Variants in KCNQ1 observed in about 807,000 individuals in gnomAD.
The protein encoded by KCNQ1 is potassium voltage-gated channel subfamily KQT member 1.
In KCNQ1, 49 loss-of-function variants were observed where a neutral mutation model predicts 72.4. The ratio of observed to expected loss-of-function variants is 0.68; its 90% confidence interval spans 0.54 to 0.86. The LOEUF is 0.86. Among genes scored for constraint, KCNQ1 ranks in the 40% least tolerant of loss-of-function variants. The pLI, the probability that KCNQ1 is intolerant of heterozygous loss-of-function variation, is 0.00. For missense variants in KCNQ1, 790 were observed against 945.1 expected (o/e 0.84, Z 2.15); for synonymous variants, 450 against 412.6 (o/e 1.09, Z -1.10).
At chr11:2,540,252 G>A (rs2133675920) in intron 2 of KCNQ1, among the ~76,000 whole-genome samples, 1 of 152,338 alleles carries the variant, frequency 6.6e-6, no homozygotes, top group East Asian at 1.9e-4. Flanking sequence ...ATTACATTCA[G>A]ATGAGTTCTA....
intron 10 of KCNQ1, among the ~76,000 whole-genome samples, chr11:2,597,283 T>C (rs192411221): frequency 6.0e-4 from 91 of 152,324 alleles, no homozygotes; most frequent in African/African-American, 2.1e-3. Context: ...AATAAGGCAA[T>C]TTCAATCAAA....
chr11:2,624,727 A>G lies in KCNQ1; in HGVS notation c.1393+35873A>G, dbSNP rs1384407904. On this transcript the variant is annotated intron_variant, in intron 10 of 15. Coordinates refer to ENST00000155840, the MANE Select transcript of KCNQ1 (RefSeq NM_000218.3). This position sits in a 1 kb window ranked among gnomAD's most constrained non-coding sequence, Gnocchi z 4.9. ...AATTATGAAACTCTATATCCATTAAACAATAATTCCCCAACCCCCCCACCA... is the reference window on the plus strand; with the variant it reads ...AATTATGAAACTCTATATCCATTAAGCAATAATTCCCCAACCCCCCCACCA... The G allele has an allele frequency of 2.0e-5, 8 of 398,542 alleles. No individual in the cohort carries two copies. 24.7% of individuals were successfully genotyped at this position (398,542 alleles called of 1,614,324 possible). A position where few individuals can be genotyped will look rare whatever the true frequency, so the allele number is the denominator to read the frequency against.
At chr11:2,771,987 C>G (rs886232358) in intron 12 of KCNQ1, among the ~76,000 whole-genome samples, 11 of 152,276 alleles carry the variant, frequency 7.2e-5, no homozygotes, top group Admixed American at 7.2e-4. Flanking sequence ...GCCCTGGGAG[C>G]CTTGCAGAAA....
At chr11:2,485,429 G>T (rs755911546) in intron 1 of KCNQ1, among the ~76,000 whole-genome samples, 1 of 140,392 alleles carries the variant, frequency 7.1e-6, no homozygotes, top group Non-Finnish European at 1.5e-5. Context: ...CAGGCCTCTC[G>T]CACAGATGAG....
At chr11:2,749,661 A>G (rs201951420) in intron 11 of KCNQ1, among the ~76,000 whole-genome samples, 410 of 141,534 alleles carry the variant, frequency 2.9e-3, no homozygotes, top group Non-Finnish European at 4.4e-3. Context: ...AAAAAAAAAA[A>G]AATTGTCCGG....
Position 2,784,015 on chromosome 11 carries a change from T to G in KCNQ1, c.1794+5978T>G, listed in dbSNP as rs2133999686. ...TAATTTTAATGAAGTCCAATTTGTC[T>G]TTTCTTATATGGCTCAGGCTTTTGA... On this transcript the variant is annotated intron_variant, in intron 15 of 15. Transcript: ENST00000155840. This position sits in a 1 kb window ranked among gnomAD's most constrained non-coding sequence, Gnocchi z 4.7. 6.6e-6 allele frequency among the ~76,000 whole-genome samples: 1 copy of G among 152,162 alleles called. No homozygotes were observed.
intron 11 of KCNQ1, among the ~76,000 whole-genome samples, chr11:2,754,215 G>A (rs911201351): frequency 6.6e-6 from 1 of 152,236 alleles, no homozygotes; most frequent in African/African-American, 2.4e-5. Flanking sequence ...GCCATGCCAT[G>A]TATCTGGAGG....
chr11:2,738,050 G>C (rs1045118848), intron 11 of KCNQ1, among the ~76,000 whole-genome samples: 1 of 152,192 alleles, frequency 6.6e-6, no homozygotes, highest in South Asian at 2.1e-4. Context: ...TGCTGGGAGG[G>C]GCCGAGCCTG....
rs557201370 is a variant in KCNQ1, at chr11:2,492,347, A to G, written c.387-35581A>G. On this transcript the variant is annotated intron_variant, in intron 1 of 15. Transcript: ENST00000155840. This position sits in a 1 kb window ranked among gnomAD's most constrained non-coding sequence, Gnocchi z 4.1. Reference sequence around the variant, plus strand: ...AGCGGAGAGACAAAAGTTGAAGTGTAGAGATTTTTTGTTTTACTTTAAGTT... The same window carrying G: ...AGCGGAGAGACAAAAGTTGAAGTGTGGAGATTTTTTGTTTTACTTTAAGTT... Among the ~76,000 whole-genome samples the G allele has an allele frequency of 4.9e-4, 75 of 152,272 alleles. 1 individual carries two copies. The South Asian group carries it at 0.015, about 30-fold the overall frequency.
chr11:2,539,304 C>G (rs1224744894), intron 2 of KCNQ1, among the ~76,000 whole-genome samples: 4 of 152,228 alleles, frequency 2.6e-5, no homozygotes, highest in African/African-American at 9.6e-5. Flanking sequence ...AAGCTCCTAC[C>G]TGCTGCTGCC....
At chr11:2,666,373 G>A in intron 11 of KCNQ1, 1 of 398,664 alleles carries the variant, frequency 2.5e-6, no homozygotes, top group Non-Finnish European at 4.4e-6. Context: ...GGCCTCTTGT[G>A]ACATGACAGC....
In KCNQ1 at chr11:2,464,356, A is replaced by T. The variant is rs922453293; in HGVS notation, c.386+18872A>T. Among the ~76,000 whole-genome samples the T allele has an allele frequency of 2.0e-5, 3 of 152,222 alleles. No homozygotes were observed. Among genetic ancestry groups the T allele is most frequent in the Non-Finnish European group, 4.4e-5 (3 of 68,038 alleles). On this transcript the variant is annotated intron_variant, in intron 1 of 15. Transcript: ENST00000155840. The surrounding 1 kb of genome is among the most constrained non-coding windows in gnomAD (Gnocchi z 5.0). ...TATTGCTTTTTAAAAATAATAAAAG[A>T]TCATTTAAATTAAAATATATAAGTG...
intron 10 of KCNQ1, chr11:2,656,498 G>A (rs536855754): frequency 2.5e-6 from 1 of 398,684 alleles, no homozygotes; most frequent in African/African-American, 2.1e-5. Flanking sequence ...CGGGCCATGA[G>A]CTCCTGAGTT....
rs1175607077 is a variant in KCNQ1 at position 2,446,986 on chromosome 11, C to T, written c.386+1502C>T. Among the ~76,000 whole-genome samples, 2 of 152,160 alleles carry T rather than the reference C, an allele frequency of 1.3e-5. No homozygotes were observed. Among genetic ancestry groups the T allele is most frequent in the Non-Finnish European group, 2.9e-5 (2 of 68,034 alleles). On this transcript the variant is annotated intron_variant, in intron 1 of 15. Coordinates refer to ENST00000155840, the MANE Select transcript of KCNQ1 (RefSeq NM_000218.3). This position sits in a 1 kb window ranked among gnomAD's most constrained non-coding sequence, Gnocchi z 8.8. The stretch of plus-strand genomic sequence containing the variant: ...GCTGGTGGCCACCTGCCTCCCGGAC[C>T]CCAGACTCTCTGAGATGTCCAAGGG...
intron 1 of KCNQ1, among the ~76,000 whole-genome samples, chr11:2,512,216 C>G (rs982120277): frequency 6.6e-6 from 1 of 152,216 alleles, no homozygotes; most frequent in African/African-American, 2.4e-5. Flanking sequence ...ACAATGAGAA[C>G]CGCACATGCT....
intron 11 of KCNQ1, among the ~76,000 whole-genome samples, chr11:2,729,298 G>A (rs939006568): frequency 1.3e-5 from 2 of 152,248 alleles, no homozygotes; most frequent in Admixed American, 6.5e-5. Flanking sequence ...TCTGTGCCTC[G>A]GTGCCCACAC....
In KCNQ1 at chr11:2,769,408, G is replaced by A. The variant is rs1267318539; in HGVS notation, c.1590+489G>A. On this transcript the variant is annotated intron_variant, in intron 12 of 15. Coordinates refer to ENST00000155840, the MANE Select transcript of KCNQ1 (RefSeq NM_000218.3). This position sits in a 1 kb window ranked among gnomAD's most constrained non-coding sequence, Gnocchi z 4.6. ...TCTGTGAGTTGGGAGGATGGAGGGA[G>A]GCTGGGCCCTGCTCTGTAAGAGGTG... 6.6e-6 allele frequency among the ~76,000 whole-genome samples: 1 copy of A among 152,188 alleles called. No homozygotes were observed. Among genetic ancestry groups the A allele is most frequent in the East Asian group, 1.9e-4 (1 of 5,174 alleles).
rs1037222454 is a variant in KCNQ1, at chr11:2,767,936, G to T, written c.1515-908G>T. 3.9e-5 allele frequency among the ~76,000 whole-genome samples: 6 copies of T among 152,172 alleles called. No individual in the cohort carries two copies. Among genetic ancestry groups the T allele is most frequent in the African/African-American group, 1.4e-4 (6 of 41,436 alleles). On this transcript the variant is annotated intron_variant, in intron 11 of 15. Transcript: ENST00000155840. This position sits in a 1 kb window ranked among gnomAD's most constrained non-coding sequence, Gnocchi z 4.6. ...CACATTTTTATCACTAGCCCACTGG[G>T]CCCCCACCCTGTTGGGTGTCAGTGC...
Position 2,488,655 on chromosome 11 carries a change from C to T in KCNQ1, c.387-39273C>T, listed in dbSNP as rs186893419. ...TGTTGATACACAATTGTTCACAATA[C>T]TCTCTTATAATCCTTTTTATTTCTG... On this transcript the variant is annotated intron_variant, in intron 1 of 15. Coordinates refer to ENST00000155840, the MANE Select transcript of KCNQ1 (RefSeq NM_000218.3). The surrounding 1 kb of genome is among the most constrained non-coding windows in gnomAD (Gnocchi z 5.1). Among the ~76,000 whole-genome samples the T allele has an allele frequency of 6.6e-6, 1 of 152,166 alleles. No homozygotes were observed. The highest frequency in any genetic ancestry group is 2.4e-5 in the African/African-American group (1 of 41,446).
Sources: gnomAD v4.1 joint callset for allele counts (sites outside exome capture counted in the v4.1 genomes callset) on GRCh38, gnomAD v4.1.1 for gene constraint, Gnocchi (gnomAD v3.1) non-coding constraint, MANE v1.5 for transcripts, NCBI Gene and HGNC (gene_info 2026-07-23, HGNC 2026-07-21) for gene names.